Variants in INPP4B observed in about 807,000 individuals in gnomAD.
INPP4B encodes inositol polyphosphate-4-phosphatase type II B.
Under a neutral mutation model 122.5 loss-of-function variants are expected in INPP4B, and 55 were observed. That is an observed-to-expected ratio of 0.45 (90% CI 0.36 to 0.56). The LOEUF is 0.56. Ranked by LOEUF, INPP4B falls within the 20% of genes least tolerant of loss-of-function variation. The pLI, the probability that INPP4B is intolerant of heterozygous loss-of-function variation, is 0.00. For synonymous variants in INPP4B, 403 were observed against 388.7 expected (o/e 1.04, Z -0.43); for missense variants, 1,000 against 1,097.7 (o/e 0.91, Z 1.26).
At chr4:142,269,346 A>G (rs1021692579) in intron 10 of INPP4B, among the ~76,000 whole-genome samples, 7 of 151,578 alleles carry the variant, frequency 4.6e-5, no homozygotes, top group African/African-American at 1.7e-4. Flanking sequence ...TCTCTTTTAC[A>G]TATCGGAGTC....
intron 2 of INPP4B, among the ~76,000 whole-genome samples, chr4:142,477,178 A>C (rs1819897512): frequency 6.6e-6 from 1 of 152,210 alleles, no homozygotes. Context: ...GAAATTAAAC[A>C]ACATGCTCCT....
chr4:142,231,247 G>A (rs997203560), intron 12 of INPP4B, among the ~76,000 whole-genome samples: 6 of 152,214 alleles, frequency 3.9e-5, no homozygotes, highest in African/African-American at 4.8e-5. Flanking sequence ...CAGTTGCTGC[G>A]CCGTTATGTC....
chr4:142,122,377 G>A, intron 20 of INPP4B, 132 bp from the exon 21 acceptor site: 1 of 693,364 alleles, frequency 1.4e-6, no homozygotes. Flanking sequence ...ACCTACTCTA[G>A]ACACTTTTCC....
chr4:142,670,504 G>A (rs918423289), intron 2 of INPP4B, among the ~76,000 whole-genome samples: 2 of 152,052 alleles, frequency 1.3e-5, no homozygotes, highest in African/African-American at 4.8e-5. Flanking sequence ...TGAGGACACA[G>A]ATGAACCAGA....
At chr4:142,239,653 G>C (rs1178568491) in intron 11 of INPP4B, among the ~76,000 whole-genome samples, 1 of 152,008 alleles carries the variant, frequency 6.6e-6, no homozygotes, top group Non-Finnish European at 1.5e-5. Context: ...CTCTGGAATA[G>C]GAAGAGAAAA....
intron 1 of INPP4B, among the ~76,000 whole-genome samples, chr4:142,750,395 C>T (rs1035633763): frequency 2.6e-5 from 4 of 151,864 alleles, no homozygotes; most frequent in Non-Finnish European, 5.9e-5. Flanking sequence ...ACCAAACTGC[C>T]CCATGAAAGA....
intron 25 of INPP4B, among the ~76,000 whole-genome samples, chr4:142,036,696 C>T (rs977713165): frequency 2.0e-5 from 3 of 152,032 alleles, no homozygotes; most frequent in African/African-American, 4.8e-5. Context: ...AGTTTTACAA[C>T]GGAATTAATT....
chr4:142,061,719 G>T (rs1055928652), intron 25 of INPP4B, among the ~76,000 whole-genome samples: 4 of 151,610 alleles, frequency 2.6e-5, no homozygotes, highest in African/African-American at 9.7e-5. Context: ...TTATAAACAT[G>T]ATCAAATTAG....
intron 7 of INPP4B, among the ~76,000 whole-genome samples, chr4:142,371,503 G>T (rs1349315605): frequency 6.6e-6 from 1 of 152,022 alleles, no homozygotes; most frequent in Non-Finnish European, 1.5e-5. Context: ...TAGAACGGAA[G>T]AAAATATTTG....
rs28820587 is a variant in INPP4B at position 142,245,956 on chromosome 4, A to G, written c.689-7945T>C. 2.4e-4 allele frequency among the ~76,000 whole-genome samples: 5 copies of G among 20,802 alleles called. 1 individual carries two copies. The highest frequency in any genetic ancestry group is 5.2e-4 in the African/African-American group (4 of 7,744). 13.6% of individuals were successfully genotyped at this position (20,802 alleles called of 152,430 possible). ...CATATATGTGTATGTATACATATAT[A>G]TGTGTATGTATACACACATGTGTGT... On this transcript the variant is annotated intron_variant, in intron 11 of 25. Transcript: ENST00000262992.
chr4:142,644,461 T>C (rs1751274511), intron 2 of INPP4B, among the ~76,000 whole-genome samples: 1 of 152,110 alleles, frequency 6.6e-6, no homozygotes, highest in Non-Finnish European at 1.5e-5. Context: ...CTGCTTAGAT[T>C]ACTAAAACTT....
rs563401856 is a variant in INPP4B at position 142,159,844 on chromosome 4, T to G, written c.1563+514A>C. On this transcript the variant is annotated intron_variant, in intron 17 of 25. Transcript: ENST00000262992. ...GTATCATTTTATGAGGCCATTCTTCTGTAAACTTTAGAGCACCTAGAGCAG... is the reference window on the plus strand; with the variant it reads ...GTATCATTTTATGAGGCCATTCTTCGGTAAACTTTAGAGCACCTAGAGCAG... 6.6e-5 allele frequency among the ~76,000 whole-genome samples: 10 copies of G among 152,124 alleles called. No individual in the cohort carries two copies. In the South Asian group the frequency reaches 1.9e-3, roughly 28 times the overall value.
intron 1 of INPP4B, among the ~76,000 whole-genome samples, chr4:142,820,862 A>C (rs560201473): frequency 1.3e-5 from 2 of 152,198 alleles, no homozygotes; most frequent in East Asian, 3.9e-4. Flanking sequence ...CTTTTTATGT[A>C]GGAAAGTTGA....
chr4:142,191,724 A>G (rs1444406781), intron 15 of INPP4B, among the ~76,000 whole-genome samples: 2 of 152,182 alleles, frequency 1.3e-5, no homozygotes, highest in South Asian at 4.1e-4. Context: ...TGATGTTTAT[A>G]ATAGTGATGG....
intron 7 of INPP4B, among the ~76,000 whole-genome samples, chr4:142,328,210 G>A (rs1016285542): frequency 8.6e-5 from 13 of 151,996 alleles, no homozygotes; most frequent in Admixed American, 3.9e-4. Flanking sequence ...AATGTACAGC[G>A]TTTCAACAGA....
chr4:142,376,365 A>G (rs1160033114), intron 7 of INPP4B, among the ~76,000 whole-genome samples: 1 of 151,962 alleles, frequency 6.6e-6, no homozygotes, highest in Non-Finnish European at 1.5e-5. Flanking sequence ...CTGAAGTCAC[A>G]TATATAACCC....
chr4:142,410,452 CCT>C (rs1258445995), intron 5 of INPP4B, among the ~76,000 whole-genome samples: 1 of 152,212 alleles, frequency 6.6e-6, no homozygotes, highest in Non-Finnish European at 1.5e-5. Context: ...CAAAATTTAT[CCT>C]CTTTCTTCCA....
chr4:142,043,375 A>G (rs758066774), intron 25 of INPP4B, among the ~76,000 whole-genome samples: 29 of 152,250 alleles, frequency 1.9e-4, no homozygotes, highest in Non-Finnish European at 5.9e-5. Flanking sequence ...CCAGAGAGGA[A>G]TAACTTCCAA....
chr4:142,741,645 G>A (rs1019780087), intron 1 of INPP4B, among the ~76,000 whole-genome samples: 4 of 151,946 alleles, frequency 2.6e-5, no homozygotes, highest in Non-Finnish European at 4.4e-5. Context: ...AATTATAATC[G>A]CATAGATGCA....
Sources: gnomAD v4.1 joint callset for allele counts (sites outside exome capture counted in the v4.1 genomes callset) on GRCh38, gnomAD v4.1.1 for gene constraint, MANE v1.5 for transcripts, NCBI Gene and HGNC (gene_info 2026-07-23, HGNC 2026-07-21) for gene names.